DENND2C: variants seen among roughly 807,000 people sequenced by gnomAD.
DENND2C encodes DENN domain containing 2C, also known as DENN domain-containing protein 2C.
In DENND2C, 72 loss-of-function variants were observed where a neutral mutation model predicts 112.4. That is an observed-to-expected ratio of 0.64 (90% CI 0.53 to 0.78). The LOEUF (loss-of-function observed/expected upper bound fraction) is 0.78, where lower values mean the gene tolerates loss of function less well. Among genes scored for constraint, DENND2C ranks in the 30% least tolerant of loss-of-function variants. The pLI, the probability that DENND2C is intolerant of heterozygous loss-of-function variation, is 0.00. For synonymous variants in DENND2C, 329 were observed against 381.6 expected, an observed-to-expected ratio of 0.86 and a Z score of 1.61; for missense variants, 992 against 1,113.8, an observed-to-expected ratio of 0.89 and a Z score of 1.56.
At chr1:114,586,752 T>C (rs1450171556) in intron 20 of DENND2C, 1 of 151,652 alleles carries the variant, frequency 6.6e-6, no homozygotes, top group Non-Finnish European at 1.5e-5. Context: ...ATTTATTTAT[T>C]TTTTTAGAGA....
At chr1:114,594,345 T>A (rs931184615) in intron 18 of DENND2C, 128 bp downstream of exon 18, 2 of 726,086 alleles carry the variant, frequency 2.8e-6, no homozygotes, top group African/African-American at 3.5e-5. Flanking sequence ...GGAAGCTGAT[T>A]ATAGGATTTT....
At chr1:114,588,927 T>G (rs1330386210) in intron 18 of DENND2C, among the ~76,000 whole-genome samples, 1 of 152,148 alleles carries the variant, frequency 6.6e-6, no homozygotes, top group African/African-American at 2.4e-5. Context: ...CTATAATTAT[T>G]CCATAAAAAT....
chr1:114,653,494 T>G (rs1303125291), intron 2 of DENND2C, among the ~76,000 whole-genome samples: 1 of 152,186 alleles, frequency 6.6e-6, no homozygotes, highest in Non-Finnish European at 1.5e-5. Flanking sequence ...CTCAAGATTT[T>G]TATAAGATTG....
At chr1:114,618,636 T>A (rs1039410820) in intron 7 of DENND2C, among the ~76,000 whole-genome samples, 154 bp from the exon 8 acceptor site, 3 of 152,228 alleles carry the variant, frequency 2.0e-5, no homozygotes, top group Non-Finnish European at 4.4e-5. Context: ...AAAATGATGA[T>A]CTTTAATTAG....
intron 17 of DENND2C, chr1:114,595,559 C>T (rs1017907243): frequency 2.7e-5 from 9 of 331,660 alleles, no homozygotes; most frequent in Admixed American, 1.4e-4. Flanking sequence ...GCTTATGTGT[C>T]GACCCACCTG....
intron 20 of DENND2C, among the ~76,000 whole-genome samples, chr1:114,586,317 G>T (rs185343959): frequency 4.3e-4 from 65 of 152,086 alleles, no homozygotes; most frequent in African/African-American, 1.5e-3. Context: ...AGACTTCATG[G>T]GGTATATGAG....
In DENND2C at chr1:114,596,944, G is replaced by T. The variant is rs1222272650; in HGVS notation, c.2284-1071C>A. Among the ~76,000 whole-genome samples the T allele has an allele frequency of 2.6e-5, 4 of 151,840 alleles. No individual in the cohort carries two copies. The South Asian group carries it at 6.2e-4, about 24-fold the overall frequency. On this transcript the variant is annotated intron_variant, in intron 16 of 20. Coordinates refer to ENST00000393274, the MANE Select transcript of DENND2C (RefSeq NM_001256404.2). ...AATCAAAAGTTAAAGGCAAAATAAT[G>T]AAAGGCCCAAGAGATGATATAGGAG...
intron 7 of DENND2C, among the ~76,000 whole-genome samples, chr1:114,620,769 C>A (rs959070827): frequency 6.6e-6 from 1 of 151,908 alleles, no homozygotes; most frequent in Non-Finnish European, 1.5e-5. Context: ...CTTTAAAAAA[C>A]CTCTATGTCT....
intron 15 of DENND2C, 84 bp from the exon 16 acceptor site, chr1:114,599,535 T>C (rs752749984): frequency 2.5e-5 from 29 of 1,140,636 alleles, no homozygotes; most frequent in Non-Finnish European, 3.1e-5. Flanking sequence ...GAATTAAAAA[T>C]TGATGCTGGT....
intron 3 of DENND2C, among the ~76,000 whole-genome samples, chr1:114,636,213 G>A (rs912484313): frequency 1.3e-5 from 2 of 151,586 alleles, no homozygotes; most frequent in Admixed American, 1.3e-4. Flanking sequence ...TCAGCAAATC[G>A]GAAATAGAAG....
intron 17 of DENND2C, 114 bp downstream of exon 17, chr1:114,595,718 A>T: frequency 6.3e-6 from 6 of 946,154 alleles, no homozygotes; most frequent in Admixed American, 2.0e-5. Context: ...ATGTGTAGGA[A>T]CTAAAAGTTT....
rs776934279 is a variant in DENND2C at position 114,600,961 on chromosome 1, C to T, written c.1816-1G>A. The T allele has an allele frequency of 5.6e-6, 9 of 1,610,778 alleles. No homozygotes were observed. In the Admixed American group the frequency reaches 8.4e-5, roughly 15 times the overall value. ...TTCTCTTCTCTACTTCATCCAGAAT[C>T]TATATACGCAAAGTGTTATTTTATT... On this transcript the variant is annotated splice_acceptor_variant, in intron 13 of 20. Transcript: ENST00000393274. LOFTEE classifies it high-confidence loss of function.
intron 3 of DENND2C, among the ~76,000 whole-genome samples, chr1:114,641,404 GA>G (rs1656834100): frequency 6.6e-6 from 1 of 152,128 alleles, no homozygotes; most frequent in South Asian, 2.1e-4. Context: ...GCTGAAATCT[GA>G]TCTCCAATGT....
chr1:114,605,412 T>C (rs79137818), intron 10 of DENND2C, among the ~76,000 whole-genome samples: 4,019 of 152,302 alleles, frequency 0.026, 95 homozygotes, highest in Non-Finnish European at 0.034. Context: ...AAAAATCCAT[T>C]CTTCAATGTA....
intron 8 of DENND2C, among the ~76,000 whole-genome samples, chr1:114,615,507 T>C (rs1262294403): frequency 6.6e-6 from 1 of 152,230 alleles, no homozygotes; most frequent in African/African-American, 2.4e-5. Context: ...TCATACGTTA[T>C]ACATGAGATA....
intron 20 of DENND2C, among the ~76,000 whole-genome samples, chr1:114,586,426 C>T (rs1570748638): frequency 6.6e-6 from 1 of 151,936 alleles, no homozygotes; most frequent in Admixed American, 6.6e-5. Context: ...GGAATGTGTC[C>T]TAGAAATGAT....
In DENND2C at chr1:114,623,549, A is replaced by G. The variant is rs763678506; in HGVS notation, c.901T>C (p.Tyr301His). 2.5e-6 allele frequency: 4 copies of G among 1,611,110 alleles called. No homozygotes were observed. The highest frequency in any genetic ancestry group is 1.7e-5 in the Admixed American group (1 of 59,472). Residue 301 changes from tyrosine (Y) to histidine (H), a missense_variant, in exon 5 of 21, where the codon TAT becomes CAT. Transcript: ENST00000393274. ...ELGRNSGSAL[Y>H]YTQSEDNIYE... is the part of the protein sequence containing the mutation. ...ATATTGTCCTCAGACTGTGTGTAAT[A>G]AAGTGCTGACCCAGAATTTCTTCCA...
At chr1:114,661,432 CAAT>C (rs1360998892) in intron 1 of DENND2C, among the ~76,000 whole-genome samples, 3 of 152,096 alleles carry the variant, frequency 2.0e-5, no homozygotes, top group Non-Finnish European at 4.4e-5. Context: ...CTAAATGAGA[CAAT>C]AATCTTTCTC....
At chr1:114,648,787 C>G (rs1009097423) in intron 2 of DENND2C, among the ~76,000 whole-genome samples, 2 of 152,120 alleles carry the variant, frequency 1.3e-5, no homozygotes, top group Non-Finnish European at 2.9e-5. Context: ...ACCACTCAGG[C>G]ACAACAGTCA....
Sources: allele counts gnomAD v4.1 joint callset (sites outside exome capture counted in the v4.1 genomes callset), GRCh38; gene constraint gnomAD v4.1.1; transcripts MANE v1.5; gene names NCBI Gene and HGNC (gene_info 2026-07-23, HGNC 2026-07-21).